Variants in CECR2 observed in about 807,000 individuals in gnomAD.
CECR2 encodes chromatin remodeling regulator CECR2.
Under a neutral mutation model 154.5 loss-of-function variants are expected in CECR2, and 30 were observed. The ratio of observed to expected loss-of-function variants is 0.19; its 90% CI spans 0.15 to 0.26. The LOEUF (loss-of-function observed/expected upper bound fraction) is 0.26. Among genes scored for constraint, CECR2 ranks in the 10% least tolerant of loss-of-function variants. The pLI is 1.00. For missense variants in CECR2, 1,743 were observed against 1,829.3 expected (o/e 0.95, Z 0.86); for synonymous variants, 725 against 683.7 (o/e 1.06, Z -0.94).
intron 2 of CECR2, among the ~76,000 whole-genome samples, chr22:17,480,749 C>A (rs2055295614): frequency 6.6e-6 from 1 of 152,102 alleles, no homozygotes; most frequent in Admixed American, 6.6e-5. Context: ...TAAAAAGTTA[C>A]TTAATTTCGG....
chr22:17,547,525 C>T (rs1416185905), intron 16 of CECR2, among the ~76,000 whole-genome samples: 2 of 152,176 alleles, frequency 1.3e-5, no homozygotes, highest in African/African-American at 2.4e-5. Flanking sequence ...CCACCGTGCC[C>T]GGCCCCTAAA....
At chr22:17,460,952 T>G (rs1290943588) in intron 1 of CECR2, among the ~76,000 whole-genome samples, 2 of 152,192 alleles carry the variant, frequency 1.3e-5, no homozygotes, top group Admixed American at 1.3e-4. Context: ...TAACCAAGTT[T>G]GGCTTAGTCT....
At chr22:17,525,919 CAAATA>C (rs1449102901) in intron 9 of CECR2, among the ~76,000 whole-genome samples, 1 of 151,882 alleles carries the variant, frequency 6.6e-6, no homozygotes, top group Non-Finnish European at 1.5e-5. Flanking sequence ...ACAGAAGTCA[CAAATA>C]AAATTAAATC....
intron 1 of CECR2, among the ~76,000 whole-genome samples, chr22:17,465,130 G>A (rs1332487478): frequency 6.6e-6 from 1 of 151,384 alleles, no homozygotes; most frequent in Non-Finnish European, 1.5e-5. Flanking sequence ...CCGAGCAGCT[G>A]GGACTACAGG....
intron 7 of CECR2, among the ~76,000 whole-genome samples, chr22:17,505,880 T>G (rs564517947): frequency 5.1e-4 from 73 of 143,376 alleles, no homozygotes; most frequent in African/African-American, 1.8e-3. Context: ...TCTCTCACTT[T>G]GTCGCCCAGA....
intron 1 of CECR2, among the ~76,000 whole-genome samples, chr22:17,380,030 CTT>C (rs1260307054): frequency 6.6e-6 from 1 of 151,792 alleles, no homozygotes; most frequent in East Asian, 1.9e-4. Flanking sequence ...TTCTTTATCT[CTT>C]TGGCTGGGAA....
rs1025226900 is a variant in CECR2, at chr22:17,477,216, T to C, written c.127-372T>C. 22 of 703,016 alleles carry C rather than the reference T, an allele frequency of 3.1e-5. No individual in the cohort carries two copies. The African/African-American group carries it at 3.5e-4, about 11-fold the overall frequency. 43.5% of individuals were successfully genotyped at this position (703,016 alleles called of 1,614,324 possible). ...TTACATGAGCACTCCTTTCCTCTCT[T>C]TTGCGATTAAAATAGCAGTACAGCA... is the stretch of plus-strand genomic sequence containing the variant. On this transcript the variant is annotated intron_variant, in intron 1 of 18. Coordinates refer to ENST00000262608, the MANE Select transcript of CECR2 (RefSeq NM_001290047.2).
intron 1 of CECR2, among the ~76,000 whole-genome samples, chr22:17,473,118 A>C (rs2055155049): frequency 1.3e-5 from 2 of 152,186 alleles, no homozygotes. Flanking sequence ...CTGTGATGCC[A>C]GCTGCAAAGG....
chr22:17,505,784 G>A (rs1319923059), intron 7 of CECR2, among the ~76,000 whole-genome samples: 3 of 144,714 alleles, frequency 2.1e-5, no homozygotes, highest in African/African-American at 5.1e-5. Context: ...GTGATATACC[G>A]CCTCAGCCTC....
At position 17,540,658 on chromosome 22, in the gene CECR2, G is replaced by A. The variant is rs565809706; in HGVS notation, c.1742G>A (p.Arg581His). ...ENGGKSLPPTRRAPSSGDDQS... is the reference protein window; with the variant it reads ...ENGGKSLPPTHRAPSSGDDQS... ...GGAGGAAAGTCGTTGCCCCCCACAC[G>A]CCGAGCGCCCTCTTCTGGGGACGAT... is the stretch of plus-strand genomic sequence containing the variant. The change falls in exon 14 of 19, where the codon CGC becomes CAC. Residue 581 changes from arginine (R) to histidine (H), a missense_variant. Coordinates refer to ENST00000262608, the MANE Select transcript of CECR2 (RefSeq NM_001290047.2). The A allele has an allele frequency of 6.2e-6, 10 of 1,613,880 alleles. No homozygotes were observed. The highest frequency in any genetic ancestry group is 2.2e-5 in the South Asian group (2 of 91,008).
Position 17,544,785 on chromosome 22 carries a change from G to T in CECR2, c.2860+1782G>T, listed in dbSNP as rs174338. ...AGATTACACCACTGCACTCCAGCCTGGGCCACAAAGTGAGACTCTGTCTCA... is the reference window on the plus strand; with the variant it reads ...AGATTACACCACTGCACTCCAGCCTTGGCCACAAAGTGAGACTCTGTCTCA... On this transcript the variant is annotated intron_variant, in intron 16 of 18. Transcript: ENST00000262608. 2.2e-5 allele frequency among the ~76,000 whole-genome samples: 3 copies of T among 138,580 alleles called. No individual in the cohort carries two copies. The South Asian group carries it at 7.0e-4, about 33-fold the overall frequency. 90.9% of individuals were successfully genotyped at this position (138,580 alleles called of 152,430 possible). A position where few individuals can be genotyped will look rare whatever the true frequency, so the allele number is the denominator to read the frequency against.
At position 17,409,501 on chromosome 22, in the gene CECR2, G is replaced by A. The variant is rs1374801615; in HGVS notation, c.126+39592G>A. Among the ~76,000 whole-genome samples the A allele has an allele frequency of 1.8e-5, 2 of 112,442 alleles. 1 individual carries two copies. Among genetic ancestry groups the A allele is most frequent in the Non-Finnish European group, 4.3e-5 (2 of 47,018 alleles). 73.8% of individuals were successfully genotyped at this position (112,442 alleles called of 152,430 possible). On this transcript the variant is annotated intron_variant, in intron 1 of 18. Transcript: ENST00000262608. ...CTGCCTCGGCCTCCCAAAGTGCTGG[G>A]ATTACAGGCATGAGCCACTGTGCCT...
chr22:17,482,907 T>A (rs761773846), intron 2 of CECR2, among the ~76,000 whole-genome samples: 1 of 152,130 alleles, frequency 6.6e-6, no homozygotes, highest in South Asian at 2.1e-4. Context: ...GGTCTCGATC[T>A]CCTGACCTCG....
rs192112011 is a variant in CECR2, at chr22:17,452,096, A to G, written c.127-25492A>G. Among the ~76,000 whole-genome samples, 663 of 152,256 alleles carry G rather than the reference A, an allele frequency of 4.4e-3. 2 individuals are homozygous for G. The highest frequency in any genetic ancestry group is 6.8e-3 in the Non-Finnish European group (463 of 68,020). ...ATTTTTATTTATTTATTTTTGAGAC[A>G]GGGTCTGGCTCTTTCGCCCAGCCTG... On this transcript the variant is annotated intron_variant, in intron 1 of 18. Coordinates refer to ENST00000262608, the MANE Select transcript of CECR2 (RefSeq NM_001290047.2).
chr22:17,425,576 G>A (rs2054317813), intron 1 of CECR2, among the ~76,000 whole-genome samples: 1 of 152,192 alleles, frequency 6.6e-6, no homozygotes, highest in Non-Finnish European at 1.5e-5. Context: ...TGAGACTTGG[G>A]ATTGAGAACA....
At chr22:17,434,751 G>GAT (rs1442273605) in intron 1 of CECR2, among the ~76,000 whole-genome samples, 1 of 151,910 alleles carries the variant, frequency 6.6e-6, no homozygotes. Context: ...TTGGGTGTGG[G>GAT]ATACCTTTAC....
At chr22:17,532,100 G>T (rs527554142) in intron 9 of CECR2, among the ~76,000 whole-genome samples, 282 of 152,158 alleles carry the variant, frequency 1.9e-3, no homozygotes, top group African/African-American at 6.3e-3. Flanking sequence ...AGCCCAGGAG[G>T]TCAAGGCTGC....
intron 9 of CECR2, among the ~76,000 whole-genome samples, chr22:17,525,075 G>A (rs538398004): frequency 2.7e-5 from 4 of 149,328 alleles, no homozygotes; most frequent in African/African-American, 4.9e-5. Context: ...CATGAGGTTG[G>A]GTTTTCGAGA....
chr22:17,381,833 G>A (rs2063194368), intron 1 of CECR2, among the ~76,000 whole-genome samples: 1 of 152,138 alleles, frequency 6.6e-6, no homozygotes, highest in African/African-American at 2.4e-5. Flanking sequence ...CATGCTTCTG[G>A]GGGTCATGCT....
Sources: gnomAD v4.1 joint callset for allele counts (sites outside exome capture counted in the v4.1 genomes callset) on GRCh38, gnomAD v4.1.1 for gene constraint, MANE v1.5 for transcripts, NCBI Gene and HGNC (gene_info 2026-07-23, HGNC 2026-07-21) for gene names.